ABITRAM: variants seen among roughly 807,000 people sequenced by gnomAD.
ABITRAM encodes the protein protein Abitram.
In ABITRAM, 19 loss-of-function variants were observed where a neutral mutation model predicts 22.9. The ratio of observed to expected loss-of-function variants is 0.83; its 90% CI spans 0.58 to 1.22. ABITRAM has a LOEUF of 1.22. Ranked by LOEUF, ABITRAM falls within the 50% of genes most tolerant of loss-of-function variation. The probability of loss-of-function intolerance (pLI) is 0.00; values close to 1 mark genes in which losing one functional copy is unlikely to be tolerated. For synonymous variants in ABITRAM, 70 were observed against 73.9 expected, an observed-to-expected ratio of 0.95 and a Z score of 0.27; for missense variants, 215 against 220.2, an observed-to-expected ratio of 0.98 and a Z score of 0.15.
rs748497990 is a variant in ABITRAM, at chr9:108,939,802, A to G, written c.*116A>G. 2 of 1,220,854 alleles carry G rather than the reference A, an allele frequency of 1.6e-6. No homozygotes were observed. Among genetic ancestry groups the G allele is most frequent in the Non-Finnish European group, 2.3e-6 (2 of 872,670 alleles). The allele number at this position is 1,220,854 out of a possible 1,614,324, so 75.6% of individuals were successfully genotyped here. ...GCATACCTAACAGCCAGCCATATGC[A>G]GGGGAGGCCTAGTGCTTCACTTAGT... On this transcript the variant is annotated 3_prime_UTR_variant, in exon 6 of 6. Coordinates refer to ENST00000322940, the MANE Select transcript of ABITRAM (RefSeq NM_017832.4).
At chr9:108,943,590 T>G, downstream of ABITRAM, 1 of 783,214 alleles carries the variant, frequency 1.3e-6, no homozygotes, top group Non-Finnish European at 2.0e-6. Context: ...AGACAAGGCA[T>G]GAAAAAAGGA....
chr9:108,945,393 C>A (rs1354308579), downstream of ABITRAM, among the ~76,000 whole-genome samples: 1 of 151,896 alleles, frequency 6.6e-6, no homozygotes, highest in Non-Finnish European at 1.5e-5. Context: ...TTTTCCCTCC[C>A]TTGGAACTCT....
At chr9:108,935,588 T>G in intron 1 of ABITRAM, 50 bp from the exon 2 acceptor site, 2 of 1,417,810 alleles carry the variant, frequency 1.4e-6, no homozygotes, top group South Asian at 2.3e-5. Flanking sequence ...TACCACATAG[T>G]GGTAGTAAAT....
rs1216747769 is a variant in ABITRAM at position 108,940,946 on chromosome 9, T to A, written c.*1260T>A. 6.6e-6 allele frequency: 1 copy of A among 152,314 alleles called. No individual in the cohort carries two copies. The highest frequency in any genetic ancestry group is 1.9e-4 in the East Asian group (1 of 5,190). The allele number at this position is 152,314 out of a possible 1,614,324, so 9.4% of individuals were successfully genotyped here. ...ACTGTTTTTAAATAAAATATACTTT[T>A]ATACAGAAGAAATCATTCGATGTAT... On this transcript the variant is annotated 3_prime_UTR_variant, in exon 6 of 6. Coordinates refer to ENST00000322940, the MANE Select transcript of ABITRAM (RefSeq NM_017832.4).
intron 3 of ABITRAM, among the ~76,000 whole-genome samples, chr9:108,949,436 G>A (rs922613509): frequency 2.0e-5 from 3 of 152,180 alleles, no homozygotes; most frequent in South Asian, 2.1e-4. Flanking sequence ...GGCCAAGCGC[G>A]GTGGCTCATG....
chr9:108,943,062 A>T (rs1410341923), downstream of ABITRAM: 1 of 1,590,102 alleles, frequency 6.3e-7, no homozygotes, highest in Non-Finnish European at 8.5e-7. Flanking sequence ...GACAAAAAGC[A>T]TGCAAATGAT....
chr9:108,947,800 T>A (rs1331995980), intron 3 of ABITRAM, among the ~76,000 whole-genome samples: 1 of 152,230 alleles, frequency 6.6e-6, no homozygotes, highest in East Asian at 1.9e-4. Flanking sequence ...CTCTCATGTG[T>A]TATCTCATTT....
At position 108,936,421 on chromosome 9, in the gene ABITRAM, C is replaced by G. The variant is rs1830188494; in HGVS notation, c.245C>G (p.Ser82Cys). The change falls in exon 3 of 6, where the codon TCT becomes TGT. Residue 82 changes from serine (S) to cysteine (C), a missense_variant. Physicochemically the swap from Ser to Cys is moderately radical, Grantham distance 112. Transcript: ENST00000322940. ...TNCSRLQNKV[S>C]GKFKRGAQFL... ...TGTAGCAGACTTCAGAACAAGGTCTCTGGGAAATTTAAGCGGGTATGTTCC... is the reference window on the plus strand; with the variant it reads ...TGTAGCAGACTTCAGAACAAGGTCTGTGGGAAATTTAAGCGGGTATGTTCC... 2 of 1,613,588 alleles carry G rather than the reference C, an allele frequency of 1.2e-6. No homozygotes were observed. The highest frequency in any genetic ancestry group is 1.7e-6 in the Non-Finnish European group (2 of 1,179,822).
At chr9:108,942,492 C>A, downstream of ABITRAM, 1 of 456,062 alleles carries the variant, frequency 2.2e-6, no homozygotes, top group Non-Finnish European at 3.9e-6. Context: ...TTAAATTGTC[C>A]TTGAGACAGT....
At chr9:108,935,219 C>T (rs1830162287) in intron 1 of ABITRAM, among the ~76,000 whole-genome samples, 1 of 152,118 alleles carries the variant, frequency 6.6e-6, no homozygotes, top group East Asian at 1.9e-4. Flanking sequence ...CATAGGGTGA[C>T]CAACCTGTCC....
intron 3 of ABITRAM, chr9:108,950,429 T>C: frequency 6.9e-7 from 1 of 1,448,054 alleles, no homozygotes; most frequent in Non-Finnish European, 9.2e-7. Flanking sequence ...TGATGGAAAA[T>C]ATGATAAGGT....
chr9:108,945,340 A>C (rs1830368379), downstream of ABITRAM, among the ~76,000 whole-genome samples: 1 of 152,168 alleles, frequency 6.6e-6, no homozygotes. Flanking sequence ...TATAATATCT[A>C]AGTTAATGTA....
downstream of ABITRAM, among the ~76,000 whole-genome samples, chr9:108,945,554 C>A (rs111676980): frequency 0.052 from 7,794 of 151,050 alleles, 314 homozygotes; most frequent in Admixed American, 0.12. Context: ...CTTGACCTCC[C>A]AGGCTCAAGC....
intron 3 of ABITRAM, among the ~76,000 whole-genome samples, chr9:108,947,487 G>A (rs912286157): frequency 3.3e-5 from 5 of 152,198 alleles, no homozygotes; most frequent in Non-Finnish European, 5.9e-5. Context: ...TAAAGTGACA[G>A]AAATTTCAAA....
At chr9:108,947,566 A>T (rs987050380) in intron 3 of ABITRAM, among the ~76,000 whole-genome samples, 1 of 152,186 alleles carries the variant, frequency 6.6e-6, no homozygotes, top group African/African-American at 2.4e-5. Flanking sequence ...GGAAAACATA[A>T]AAGGAATTTT....
Position 108,939,817 on chromosome 9 carries a change from C to A in ABITRAM, c.*131C>A. 9.4e-7 allele frequency: 1 copy of A among 1,058,872 alleles called. No individual in the cohort carries two copies. The highest frequency in any genetic ancestry group is 1.4e-6 in the Non-Finnish European group (1 of 739,660). The allele number at this position is 1,058,872 out of a possible 1,614,324, so 65.6% of individuals were successfully genotyped here. ...AGCCATATGCAGGGGAGGCCTAGTG[C>A]TTCACTTAGTTTTCCCTCTCTGTCT... On this transcript the variant is annotated 3_prime_UTR_variant, in exon 6 of 6. Transcript: ENST00000322940.
Position 108,935,536 on chromosome 9 carries a change from A to G in ABITRAM, c.80-102A>G. 3.0e-5 allele frequency: 26 copies of G among 856,738 alleles called. 1 individual carries two copies. The South Asian group carries it at 3.6e-4, about 12-fold the overall frequency. The allele number at this position is 856,738 out of a possible 1,614,324, so 53.1% of individuals were successfully genotyped here. On this transcript the variant is annotated intron_variant, in intron 1 of 5. Transcript: ENST00000322940. ...TACCCGTGATCAGCATGCAGCATGT[A>G]TGTGTCCAGTCTTCATTATCAACTA...
downstream of ABITRAM, chr9:108,943,095 G>A: frequency 6.8e-7 from 1 of 1,467,478 alleles, no homozygotes; most frequent in Non-Finnish European, 9.3e-7. Context: ...GTACTTAAAA[G>A]ACCTTACCAT....
downstream of ABITRAM, chr9:108,943,001 AAGAG>A: frequency 9.3e-6 from 15 of 1,613,096 alleles, no homozygotes; most frequent in Non-Finnish European, 1.3e-5. Flanking sequence ...AAGTTGGACT[AAGAG>A]AGCCATCATG....
Sources: gnomAD v4.1 joint callset for allele counts (sites outside exome capture counted in the v4.1 genomes callset) on GRCh38, gnomAD v4.1.1 for gene constraint, MANE v1.5 for transcripts, NCBI Gene and HGNC (gene_info 2026-07-23, HGNC 2026-07-21) for gene names.